CD1B: variants seen among roughly 807,000 people sequenced by gnomAD.
The protein encoded by CD1B is T-cell surface glycoprotein CD1b.
Under a neutral mutation model 39.8 loss-of-function variants are expected in CD1B, and 43 were observed. The observed-to-expected ratio is 1.08, with a 90% CI of 0.85 to 1.39. CD1B has a LOEUF of 1.39. Among genes scored for constraint, CD1B ranks in the 40% most tolerant of loss-of-function variants. The pLI, the probability that CD1B is intolerant of heterozygous loss-of-function variation, is 0.00. For synonymous variants in CD1B, 192 were observed against 152.5 expected, an observed-to-expected ratio of 1.26 and a Z score of -1.91; for missense variants, 495 against 403.8, an observed-to-expected ratio of 1.23 and a Z score of -1.94.
the CD1B span, among the ~76,000 whole-genome samples, chr1:158,308,210 A>T: frequency 6.6e-6 from 1 of 152,204 alleles, no homozygotes; most frequent in African/African-American, 2.4e-5. Context: ...GAGCCAAACC[A>T]TGAGTGAACT....
chr1:158,292,778 C>T, the CD1B span: 1 of 1,614,212 alleles, frequency 6.2e-7, no homozygotes, highest in Non-Finnish European at 8.5e-7. Flanking sequence ...ATGGTATCTT[C>T]AGGTGATCCT....
At chr1:158,327,033 G>A (rs1381764631), downstream of CD1B, among the ~76,000 whole-genome samples, 1 of 152,170 alleles carries the variant, frequency 6.6e-6, no homozygotes, top group Non-Finnish European at 1.5e-5. Context: ...CTGACCTCAG[G>A]TGATCCACCT....
At chr1:158,293,092 C>G in the CD1B span, 2 of 944,742 alleles carry the variant, frequency 2.1e-6, no homozygotes. Flanking sequence ...AATAGAGTGA[C>G]TGAAATAGGA....
downstream of CD1B, among the ~76,000 whole-genome samples, chr1:158,327,088 C>T (rs59443869): frequency 0.048 from 7,299 of 152,224 alleles, 573 homozygotes; most frequent in African/African-American, 0.16. Context: ...TGAGCCACCA[C>T]GCTTGGCCCC....
chr1:158,326,414 A>G (rs534502329), downstream of CD1B, among the ~76,000 whole-genome samples: 48 of 152,344 alleles, frequency 3.2e-4, no homozygotes, highest in South Asian at 9.7e-3. Flanking sequence ...ATTCTAGGAT[A>G]AAAATGAGAG....
chr1:158,307,239 T>A, the CD1B span, among the ~76,000 whole-genome samples: 1 of 151,984 alleles, frequency 6.6e-6, no homozygotes, highest in Admixed American at 6.6e-5. Flanking sequence ...TAAAAGATGA[T>A]AAAGGGGATA....
At chr1:158,295,054 G>T in the CD1B span, among the ~76,000 whole-genome samples, 5 of 152,122 alleles carry the variant, frequency 3.3e-5, no homozygotes, top group African/African-American at 1.2e-4. Context: ...GATACAGAGA[G>T]ATCAATAGAG....
chr1:158,307,340 T>C, the CD1B span, among the ~76,000 whole-genome samples: 1 of 152,092 alleles, frequency 6.6e-6, no homozygotes, highest in African/African-American at 2.4e-5. Flanking sequence ...CTAGAAGAAA[T>C]GGATAAATTC....
downstream of CD1B, among the ~76,000 whole-genome samples, chr1:158,327,072 C>T (rs1430619425): frequency 2.0e-5 from 3 of 152,210 alleles, no homozygotes; most frequent in African/African-American, 7.2e-5. Context: ...GCTGGGATTA[C>T]AGGCGTGAGC....
the CD1B span, among the ~76,000 whole-genome samples, chr1:158,315,993 C>T: frequency 6.6e-6 from 1 of 151,830 alleles, no homozygotes; most frequent in Non-Finnish European, 1.5e-5. Flanking sequence ...ATTTTGAGGG[C>T]TCTGTTCTGT....
the CD1B span, among the ~76,000 whole-genome samples, chr1:158,288,966 C>T: frequency 6.6e-6 from 1 of 152,254 alleles, no homozygotes; most frequent in South Asian, 2.1e-4. Flanking sequence ...GTGGTCTCCC[C>T]ATGTATGAGT....
chr1:158,289,879 G>T, the CD1B span: 1 of 564,574 alleles, frequency 1.8e-6, no homozygotes, highest in Non-Finnish European at 3.2e-6. Context: ...CAGAGCAGGT[G>T]GGGAAATGAG....
chr1:158,308,996 T>A, the CD1B span, among the ~76,000 whole-genome samples: 2 of 152,080 alleles, frequency 1.3e-5, no homozygotes, highest in Non-Finnish European at 2.9e-5. Context: ...CTAATTAAAC[T>A]AAAGAGCTTC....
the CD1B span, among the ~76,000 whole-genome samples, chr1:158,289,189 T>C: frequency 1.3e-5 from 2 of 152,246 alleles, no homozygotes; most frequent in African/African-American, 2.4e-5. Context: ...AAAATCACAA[T>C]GCATTTTAAT....
chr1:158,304,153 C>A, the CD1B span, among the ~76,000 whole-genome samples: 7 of 152,114 alleles, frequency 4.6e-5, no homozygotes, highest in Admixed American at 3.9e-4. Context: ...ATCGCCTCAC[C>A]TGGGAAGCAC....
At chr1:158,328,445 C>T (rs1343003637) in intron 5 of CD1B, among the ~76,000 whole-genome samples, 188 bp from the exon 6 acceptor site, 1 of 152,078 alleles carries the variant, frequency 6.6e-6, no homozygotes, top group Non-Finnish European at 1.5e-5. Context: ...GGAAGGAAGC[C>T]CTTTCATATG....
At chr1:158,321,629 C>G in the CD1B span, among the ~76,000 whole-genome samples, 10 of 152,280 alleles carry the variant, frequency 6.6e-5, no homozygotes, top group East Asian at 1.9e-3. Context: ...AAGTGATATT[C>G]TCCAACATTA....
the CD1B span, among the ~76,000 whole-genome samples, chr1:158,304,280 A>G: frequency 3.3e-5 from 5 of 152,168 alleles, no homozygotes; most frequent in African/African-American, 7.2e-5. Flanking sequence ...CAAAGGGCAC[A>G]CAAGGAGATT....
Position 158,330,113 on chromosome 1 carries a change from C to T in CD1B, c.346G>A (p.Gly116Ser). The change falls in exon 3 of 6, where the codon GGC becomes AGC. Residue 116 changes from glycine (G) to serine (S), a missense_variant. Transcript: ENST00000368168. ...FQMKYPFEIQ[G>S]IAGCELHSGG... The stretch of plus-strand genomic sequence containing the variant: ...GAATGTAGCTCACAGCCTGCTATGC[C>T]CTGGATCTCAAAGGGGTCTATGTAG... The T allele has an allele frequency of 6.2e-7, 1 of 1,613,164 alleles. No homozygotes were observed. The highest frequency in any genetic ancestry group is 8.5e-7 in the Non-Finnish European group (1 of 1,179,588).
Sources: allele counts gnomAD v4.1 joint callset (sites outside exome capture counted in the v4.1 genomes callset), GRCh38; gene constraint gnomAD v4.1.1; transcripts MANE v1.5; gene names NCBI Gene and HGNC (gene_info 2026-07-23, HGNC 2026-07-21).